Variants in SUMF1 observed in about 807,000 individuals in gnomAD.
SUMF1 encodes sulfatase modifying factor 1.
Under a neutral mutation model 47.6 loss-of-function variants are expected in SUMF1, and 48 were observed. That is an observed-to-expected ratio of 1.01 (90% CI 0.80 to 1.28). SUMF1 has a LOEUF of 1.28. Ranked by LOEUF, SUMF1 falls within the 50% of genes most tolerant of loss-of-function variation. The probability of loss-of-function intolerance (pLI) is 0.00; values close to 1 mark genes in which losing one functional copy is unlikely to be tolerated. For synonymous variants in SUMF1, 230 were observed against 192.1 expected (o/e 1.20, Z -1.63); for missense variants, 571 against 485.4 (o/e 1.18, Z -1.66).
At chr3:4,335,964 A>AAAAAC (rs1481126882) in intron 8 of SUMF1, among the ~76,000 whole-genome samples, 29 of 146,796 alleles carry the variant, frequency 2.0e-4, no homozygotes, top group African/African-American at 3.5e-4. Flanking sequence ...CCAACTCAAA[A>AAAAAC]AAAAAAAAAA....
chr3:4,347,819 G>T lies in SUMF1; in HGVS notation c.1014+28511C>A, dbSNP rs543445465. ...GCCCCAAAACTTCTTGAACTGATAA[G>T]AAACTTCAGCAAAGTCTCAGGGTAC... On this transcript the variant is annotated intron_variant and NMD_transcript_variant, in intron 8 of 12. Coordinates refer to the SUMF1 transcript ENST00000448413. Among the ~76,000 whole-genome samples the T allele has an allele frequency of 1.5e-3, 223 of 152,302 alleles. 1 individual carries two copies. The highest frequency in any genetic ancestry group is 5.2e-3 in the African/African-American group (217 of 41,560).
Position 4,303,452 on chromosome 3 carries a change from C to A in SUMF1, c.1014+72878G>T. On this transcript the variant is annotated intron_variant and NMD_transcript_variant, in intron 8 of 12. Coordinates refer to the SUMF1 transcript ENST00000448413. ...GAAGCCTGAGGCCCCGACTGAGCAGCTGGATGTCGCGTGCGGCCAGGAAAA... is the reference window on the plus strand; with the variant it reads ...GAAGCCTGAGGCCCCGACTGAGCAGATGGATGTCGCGTGCGGCCAGGAAAA... 1 of 1,540,672 alleles carries A rather than the reference C, an allele frequency of 6.5e-7. No homozygotes were observed. The highest frequency in any genetic ancestry group is 8.7e-7 in the Non-Finnish European group (1 of 1,149,606).
intron 8 of SUMF1, among the ~76,000 whole-genome samples, chr3:4,119,063 C>T (rs544981609): frequency 6.6e-6 from 1 of 152,194 alleles, no homozygotes; most frequent in South Asian, 2.1e-4. Context: ...ACTCCCCAAA[C>T]CCAAATCCAC....
intron 8 of SUMF1, among the ~76,000 whole-genome samples, chr3:4,260,213 G>C (rs1697056422): frequency 6.6e-6 from 1 of 152,080 alleles, no homozygotes; most frequent in South Asian, 2.1e-4. Flanking sequence ...TGCTCGCACA[G>C]GGACTGATAT....
At chr3:4,154,161 T>A (rs74977740) in intron 8 of SUMF1, among the ~76,000 whole-genome samples, 10 of 151,620 alleles carry the variant, frequency 6.6e-5, no homozygotes, top group Non-Finnish European at 1.3e-4. Flanking sequence ...TGGTAGAATG[T>A]GTGGAGGTAT....
At chr3:4,178,266 G>T (rs76145197) in intron 8 of SUMF1, among the ~76,000 whole-genome samples, 2 of 152,020 alleles carry the variant, frequency 1.3e-5, no homozygotes, top group African/African-American at 4.8e-5. Context: ...CAATATCCCC[G>T]ATGAACATTG....
At chr3:4,127,000 C>T (rs1166719536) in intron 8 of SUMF1, among the ~76,000 whole-genome samples, 1 of 152,070 alleles carries the variant, frequency 6.6e-6, no homozygotes, top group Non-Finnish European at 1.5e-5. Context: ...TCTACTGTGA[C>T]CAAAAAGTAA....
intron 1 of SUMF1, among the ~76,000 whole-genome samples, chr3:4,466,596 G>C (rs1205812558): frequency 6.6e-6 from 1 of 152,126 alleles, no homozygotes; most frequent in Non-Finnish European, 1.5e-5. Context: ...CTACAGATAA[G>C]TATACAACAA....
intron 9 of SUMF1, among the ~76,000 whole-genome samples, chr3:4,055,419 C>A (rs558305573): frequency 9.9e-5 from 15 of 152,154 alleles, no homozygotes; most frequent in East Asian, 5.8e-4. Flanking sequence ...GCTGTGGTAA[C>A]AATTCCCACA....
intron 8 of SUMF1, among the ~76,000 whole-genome samples, chr3:4,195,934 A>C (rs1366433318): frequency 6.6e-6 from 1 of 152,112 alleles, no homozygotes; most frequent in Non-Finnish European, 1.5e-5. Context: ...CTAAGATTAC[A>C]AGGAAACAGT....
At chr3:4,414,224 G>C (rs899818221) in intron 6 of SUMF1, among the ~76,000 whole-genome samples, 1 of 152,178 alleles carries the variant, frequency 6.6e-6, no homozygotes. Context: ...CCAGCTACTT[G>C]GAAGGCTGGG....
intron 8 of SUMF1, among the ~76,000 whole-genome samples, chr3:4,306,611 C>G (rs1698201010): frequency 6.6e-6 from 1 of 152,180 alleles, no homozygotes; most frequent in Admixed American, 6.5e-5. Context: ...CCAAGAAGAT[C>G]AAACATGCTT....
chr3:4,196,783 C>T (rs1695438962), intron 8 of SUMF1, among the ~76,000 whole-genome samples: 1 of 152,148 alleles, frequency 6.6e-6, no homozygotes, highest in Non-Finnish European at 1.5e-5. Context: ...TTGCAAAGTG[C>T]TGTTTCATGG....
intron 8 of SUMF1, chr3:4,303,216 C>T: frequency 1.4e-6 from 1 of 718,998 alleles, no homozygotes; most frequent in East Asian, 3.4e-5. Flanking sequence ...GAGCCAGACC[C>T]AAAAAGTCAA....
intron 7 of SUMF1, among the ~76,000 whole-genome samples, chr3:4,399,177 T>C (rs992291773): frequency 1.3e-5 from 2 of 152,142 alleles, no homozygotes; most frequent in Non-Finnish European, 2.9e-5. Flanking sequence ...ATGCAAAGCT[T>C]TAAGACATTG....
intron 8 of SUMF1, among the ~76,000 whole-genome samples, chr3:4,268,517 T>C (rs78011092): frequency 6.8e-6 from 1 of 146,062 alleles, no homozygotes; most frequent in East Asian, 2.1e-4. Flanking sequence ...TTTTTTTTTT[T>C]CAGATCAATG....
intron 2 of SUMF1, among the ~76,000 whole-genome samples, chr3:4,451,089 A>T (rs1281754422): frequency 6.8e-6 from 1 of 147,526 alleles, no homozygotes. Context: ...TAAAATCAAT[A>T]AAAAAATAAA....
chr3:4,336,997 A>G lies in SUMF1; in HGVS notation c.1014+39333T>C, dbSNP rs144710901. On this transcript the variant is annotated intron_variant and NMD_transcript_variant, in intron 8 of 12. Coordinates refer to the SUMF1 transcript ENST00000448413. Reference sequence around the variant, plus strand: ...GCAAACTGCTGATCCCACGAATTCCAACTCTACATGCTCTTACCCTTGCCT... The same window carrying G: ...GCAAACTGCTGATCCCACGAATTCCGACTCTACATGCTCTTACCCTTGCCT... Among the ~76,000 whole-genome samples, 14 of 152,346 alleles carry G rather than the reference A, an allele frequency of 9.2e-5. 1 individual carries two copies. In the East Asian group the frequency reaches 2.7e-3, roughly 29 times the overall value.
At chr3:4,245,595 C>T (rs1559607211) in intron 8 of SUMF1, among the ~76,000 whole-genome samples, 1 of 152,142 alleles carries the variant, frequency 6.6e-6, no homozygotes, top group Non-Finnish European at 1.5e-5. Flanking sequence ...ATTGCTGCCT[C>T]ATCCTTCCTC....
Sources: allele counts gnomAD v4.1 joint callset (sites outside exome capture counted in the v4.1 genomes callset), GRCh38; gene constraint gnomAD v4.1.1; transcripts MANE v1.5; gene names NCBI Gene and HGNC (gene_info 2026-07-23, HGNC 2026-07-21).